Variants in MYRIP observed in about 807,000 individuals in gnomAD.
MYRIP encodes rab effector MyRIP.
Under a neutral mutation model 98.0 loss-of-function variants are expected in MYRIP, and 49 were observed. The observed-to-expected ratio is 0.50, with a 90% CI of 0.40 to 0.63. The LOEUF (loss-of-function observed/expected upper bound fraction) is 0.63. Among genes scored for constraint, MYRIP ranks in the 30% least tolerant of loss-of-function variants. MYRIP has a pLI of 0.00. For missense variants in MYRIP, 1,004 were observed against 1,058.2 expected, an observed-to-expected ratio of 0.95 and a Z score of 0.71; for synonymous variants, 404 against 409.5, an observed-to-expected ratio of 0.99 and a Z score of 0.16.
intron 1 of MYRIP, among the ~76,000 whole-genome samples, chr3:39,860,538 C>T (rs1942436806): frequency 6.6e-6 from 1 of 152,146 alleles, no homozygotes; most frequent in Non-Finnish European, 1.5e-5. Context: ...TGTCTTCTGG[C>T]CTCTCACGGG....
At chr3:40,136,611 C>A (rs1258195098) in intron 3 of MYRIP, among the ~76,000 whole-genome samples, 23 of 148,650 alleles carry the variant, frequency 1.5e-4, no homozygotes, top group Non-Finnish European at 3.3e-4. Context: ...ACACCTATTC[C>A]AAAATTGACC....
At chr3:39,916,619 C>T (rs1944166548) in intron 2 of MYRIP, among the ~76,000 whole-genome samples, 2 of 152,050 alleles carry the variant, frequency 1.3e-5, no homozygotes, top group East Asian at 3.9e-4. Context: ...TTACCATGTT[C>T]TTTGGGTTAT....
At position 39,999,181 on chromosome 3, in the gene MYRIP, T is replaced by A. The variant is rs377589441; in HGVS notation, c.111-44869T>A. Among the ~76,000 whole-genome samples, 7 of 151,796 alleles carry A rather than the reference T, an allele frequency of 4.6e-5. 1 individual carries two copies. The highest frequency in any genetic ancestry group is 1.7e-4 in the African/African-American group (7 of 41,318). ...ACAAAAGCCAAAATTGACAAATGGG[T>A]TCTAATTAAACTAAAGAGCTTCTGC... On this transcript the variant is annotated intron_variant, in intron 2 of 16. Transcript: ENST00000302541.
chr3:39,903,929 T>G (rs1274847815), intron 2 of MYRIP, among the ~76,000 whole-genome samples: 1 of 152,204 alleles, frequency 6.6e-6, no homozygotes, highest in Non-Finnish European at 1.5e-5. Context: ...CCAACTATCT[T>G]TTTTCTACAA....
At chr3:40,236,106 A>T (rs925109932) in intron 12 of MYRIP, among the ~76,000 whole-genome samples, 1 of 152,194 alleles carries the variant, frequency 6.6e-6, no homozygotes, top group African/African-American at 2.4e-5. Flanking sequence ...GTCTCATAAG[A>T]TTATAATGCT....
chr3:39,972,209 C>T (rs564302893), intron 2 of MYRIP, among the ~76,000 whole-genome samples: 19 of 152,060 alleles, frequency 1.2e-4, no homozygotes, highest in Non-Finnish European at 2.6e-4. Context: ...GATATTCACC[C>T]TGGAATTTTC....
At chr3:40,044,301 C>T (rs1035510055) in intron 3 of MYRIP, 30 bp downstream of exon 3, 1 of 1,601,374 alleles carries the variant, frequency 6.2e-7, no homozygotes, top group Non-Finnish European at 8.6e-7. Flanking sequence ...CCAGGGTCTA[C>T]ACTGTTGATT....
chr3:40,092,333 C>T (rs1012204533), intron 3 of MYRIP, among the ~76,000 whole-genome samples: 2 of 152,174 alleles, frequency 1.3e-5, no homozygotes, highest in Admixed American at 1.3e-4. Context: ...TCCCTTTTCC[C>T]TGATGACAGC....
intron 2 of MYRIP, among the ~76,000 whole-genome samples, chr3:40,008,385 T>G (rs944664391): frequency 6.6e-6 from 1 of 152,234 alleles, no homozygotes; most frequent in African/African-American, 2.4e-5. Flanking sequence ...TTTAACATAT[T>G]TTAAAATGAA....
chr3:40,216,990 TACAG>T (rs1384723735), intron 11 of MYRIP, among the ~76,000 whole-genome samples: 1 of 152,208 alleles, frequency 6.6e-6, no homozygotes, highest in Non-Finnish European at 1.5e-5. Flanking sequence ...TGTTTTAAAT[TACAG>T]ACAAATATTT....
At chr3:40,185,882 G>A (rs1395694378) in intron 9 of MYRIP, among the ~76,000 whole-genome samples, 4 of 151,998 alleles carry the variant, frequency 2.6e-5, no homozygotes, top group African/African-American at 4.8e-5. Context: ...GAGCCCCGTC[G>A]CCCCTATAGC....
rs1952833961 is a variant in MYRIP at position 40,236,668 on chromosome 3, CTG to C, written c.2100+2616_2100+2617del. Among the ~76,000 whole-genome samples, 8 of 152,338 alleles carry C rather than the reference CTG, an allele frequency of 5.3e-5. No homozygotes were observed. In the South Asian group the frequency reaches 1.7e-3, roughly 32 times the overall value. The stretch of plus-strand genomic sequence containing the variant: ...CCAATACTCCAGACCAAGGGTGACA[CTG>C]AGAAATTTGGACATTAACACTCAAG... On this transcript the variant is annotated intron_variant, in intron 12 of 16. Coordinates refer to ENST00000302541, the MANE Select transcript of MYRIP (RefSeq NM_015460.4).
At chr3:39,853,626 G>A (rs1942204170) in intron 1 of MYRIP, among the ~76,000 whole-genome samples, 2 of 151,984 alleles carry the variant, frequency 1.3e-5, no homozygotes, top group African/African-American at 4.8e-5. Flanking sequence ...TTGATGACTT[G>A]TTTGAGTTCC....
intron 2 of MYRIP, among the ~76,000 whole-genome samples, chr3:39,959,537 C>A (rs889212661): frequency 6.6e-6 from 1 of 151,720 alleles, no homozygotes; most frequent in Admixed American, 6.6e-5. Flanking sequence ...GTAGGGGGAG[C>A]AGGGAGGGAT....
At chr3:40,157,461 T>C (rs1184082358) in intron 4 of MYRIP, among the ~76,000 whole-genome samples, 14 of 150,844 alleles carry the variant, frequency 9.3e-5, no homozygotes, top group Admixed American at 8.6e-4. Context: ...ATTCTCTTTT[T>C]TGGTTGCGTC....
intron 3 of MYRIP, among the ~76,000 whole-genome samples, chr3:40,059,469 A>G (rs6771261): frequency 0.29 from 44,198 of 152,008 alleles, 6,509 homozygotes; most frequent in East Asian, 0.36. Flanking sequence ...TTTAATGATC[A>G]CCATTCTAAC....
intron 2 of MYRIP, among the ~76,000 whole-genome samples, chr3:40,013,691 C>A (rs934303620): frequency 2.0e-5 from 3 of 152,200 alleles, no homozygotes; most frequent in Non-Finnish European, 4.4e-5. Flanking sequence ...CCTCTCTGTG[C>A]CTTGGTTTCC....
intron 1 of MYRIP, among the ~76,000 whole-genome samples, chr3:39,861,695 T>C (rs528805099): frequency 6.6e-6 from 1 of 152,072 alleles, no homozygotes; most frequent in Non-Finnish European, 1.5e-5. Flanking sequence ...AATTTCAGAA[T>C]ACAATCAAAA....
chr3:39,889,310 A>G (rs1943413076), intron 1 of MYRIP, among the ~76,000 whole-genome samples: 1 of 152,228 alleles, frequency 6.6e-6, no homozygotes, highest in Admixed American at 6.5e-5. Context: ...CTGGATTAAG[A>G]AAATGTGGCA....
Sources: allele counts gnomAD v4.1 joint callset (sites outside exome capture counted in the v4.1 genomes callset), GRCh38; gene constraint gnomAD v4.1.1; transcripts MANE v1.5; gene names NCBI Gene and HGNC (gene_info 2026-07-23, HGNC 2026-07-21).